Variants in NCOR2 observed in about 807,000 individuals in gnomAD.
The protein encoded by NCOR2 is CTG repeat protein 26.
NCOR2 carries 81 observed loss-of-function variants against 262.9 expected under a neutral mutation model. The observed-to-expected ratio is 0.31, with a 90% confidence interval of 0.26 to 0.37. The LOEUF (loss-of-function observed/expected upper bound fraction) is 0.37, where lower values mean the gene tolerates loss of function less well. Ranked by LOEUF, NCOR2 falls within the 10% of genes least tolerant of loss-of-function variation. The probability of loss-of-function intolerance (pLI) is 1.00; values close to 1 mark genes in which losing one functional copy is unlikely to be tolerated. For synonymous variants in NCOR2, 1,659 were observed against 1,559.3 expected (o/e 1.06, Z -1.51); for missense variants, 3,385 against 3,621.4 (o/e 0.93, Z 1.68).
chr12:124,325,377 G>GCCGCC, exon 47 of NCOR2: 14 of 246,776 alleles, frequency 5.7e-5, no homozygotes, highest in South Asian at 1.2e-4. Context: ...ACCTGACACC[G>GCCGCC]CCCCCCCCCC....
chr12:124,404,183 G>A (rs574775934), intron 13 of NCOR2, among the ~76,000 whole-genome samples: 8 of 152,322 alleles, frequency 5.3e-5, no homozygotes, highest in Admixed American at 3.3e-4. Flanking sequence ...ACATTTGCCC[G>A]ATGTGGGCAG....
intron 1 of NCOR2, among the ~76,000 whole-genome samples, chr12:124,547,706 T>C (rs896921385): frequency 3.3e-5 from 5 of 152,108 alleles, no homozygotes; most frequent in Admixed American, 3.3e-4. Flanking sequence ...ACCAATCTGC[T>C]TTCTGTCTCC....
chr12:124,334,377 G>A, intron 41 of NCOR2, 47 bp downstream of exon 43: 1 of 1,385,484 alleles, frequency 7.2e-7, no homozygotes, highest in Non-Finnish European at 9.8e-7. Flanking sequence ...GCTGACGAAG[G>A]CCTCCCGCCG....
At chr12:124,459,629 C>T (rs1023285802) in intron 5 of NCOR2, among the ~76,000 whole-genome samples, 1 of 152,178 alleles carries the variant, frequency 6.6e-6, no homozygotes, top group African/African-American at 2.4e-5. Context: ...ACTCCCATGA[C>T]CTCTGCAAGG....
In NCOR2 at chr12:124,389,801, G is replaced by C. The variant is rs562143367; in HGVS notation, c.1877-3914C>G. ...TCCCCAAAGAGCCCTCTGCTGCTGG[G>C]GGGGTCTCGGGACCACAGCTGCCCC... On this transcript the variant is annotated intron_variant, in intron 16 of 46. Transcript: ENST00000405201. The surrounding 1 kb of genome is among the most constrained non-coding windows in gnomAD (Gnocchi z 4.4). Among the ~76,000 whole-genome samples, 1 of 152,336 alleles carries C rather than the reference G, an allele frequency of 6.6e-6. No homozygotes were observed. The highest frequency in any genetic ancestry group is 2.4e-5 in the African/African-American group (1 of 41,584).
chr12:124,431,381 A>G (rs893489559), intron 8 of NCOR2, among the ~76,000 whole-genome samples: 6 of 151,296 alleles, frequency 4.0e-5, no homozygotes, highest in African/African-American at 1.5e-4. Context: ...AGACAGTCAC[A>G]TGGCAGACAC....
rs187559272 is a variant in NCOR2, at chr12:124,356,273, A to G, written c.3241+369T>C. On this transcript the variant is annotated intron_variant, in intron 23 of 46. Transcript: ENST00000405201. ...CCAGCAGGACTGCAGGACCTAGAAC[A>G]GGGCCGAAATGCAGCCTCACAGAGT... is the stretch of plus-strand genomic sequence containing the variant. Among the ~76,000 whole-genome samples the G allele has an allele frequency of 7.5e-3, 1,135 of 152,330 alleles. 20 individuals carry two copies. The highest frequency in any genetic ancestry group is 7.1e-3 in the Non-Finnish European group (486 of 68,024).
chr12:124,408,468 C>T (rs551778088), intron 13 of NCOR2, among the ~76,000 whole-genome samples: 47 of 152,274 alleles, frequency 3.1e-4, no homozygotes, highest in Admixed American at 1.3e-4. Flanking sequence ...AAATTATGGC[C>T]TGGCAAGGTA....
intron 16 of NCOR2, among the ~76,000 whole-genome samples, chr12:124,394,211 A>G (rs1480763996): frequency 1.3e-5 from 2 of 152,202 alleles, no homozygotes; most frequent in Non-Finnish European, 2.9e-5. Flanking sequence ...GACTGTTCCT[A>G]TGTGGCTCGC....
chr12:124,449,233 T>G (rs1241059420), intron 7 of NCOR2, among the ~76,000 whole-genome samples: 1 of 152,106 alleles, frequency 6.6e-6, no homozygotes, highest in Non-Finnish European at 1.5e-5. Flanking sequence ...TAATTGACAT[T>G]TTCTTCCCTC....
At chr12:124,357,871 T>C (rs936560955) in intron 22 of NCOR2, among the ~76,000 whole-genome samples, 4 of 150,418 alleles carry the variant, frequency 2.7e-5, no homozygotes, top group African/African-American at 9.8e-5. Context: ...TGTGTGCGCC[T>C]GTACACAATG....
chr12:124,422,084 C>T (rs114378457), intron 12 of NCOR2, among the ~76,000 whole-genome samples: 4,678 of 152,334 alleles, frequency 0.031, 219 homozygotes, highest in African/African-American at 0.11. Context: ...CTTTGAGGCA[C>T]GCCACTCCTG....
chr12:124,456,697 C>G (rs964658638), intron 6 of NCOR2, among the ~76,000 whole-genome samples: 1 of 152,228 alleles, frequency 6.6e-6, no homozygotes, highest in Non-Finnish European at 1.5e-5. Flanking sequence ...CAGACCCGCT[C>G]AGGGTCACAC....
intron 1 of NCOR2, among the ~76,000 whole-genome samples, chr12:124,557,261 C>T (rs1594071200): frequency 6.6e-6 from 1 of 152,192 alleles, no homozygotes; most frequent in Admixed American, 6.5e-5. Flanking sequence ...CTCCACACGC[C>T]GGGGACTTAA....
rs572327634 is a variant in NCOR2, at chr12:124,327,147, G to A, written c.7183+262C>T. ...CGGGAGGACTGGGGGGCGGACAGCA[G>A]TGTGAGTGTCCGAGGGAGGCGGCAG... On this transcript the variant is annotated intron_variant, in intron 45 of 46. Coordinates refer to ENST00000405201, the Ensembl canonical transcript of NCOR2. Among the ~76,000 whole-genome samples the A allele has an allele frequency of 3.9e-5, 6 of 152,242 alleles. No individual in the cohort carries two copies. In the East Asian group the frequency reaches 1.2e-3, roughly 29 times the overall value.
chr12:124,363,793 C>T (rs746174902), exon 21 of NCOR2: 39 of 1,355,698 alleles, frequency 2.9e-5, no homozygotes, highest in Non-Finnish European at 3.4e-5. Flanking sequence ...GCCTTGGGGA[C>T]AGCAGCCTGC....
At chr12:124,498,071 G>A (rs1024055244), upstream of NCOR2, among the ~76,000 whole-genome samples, 1 of 152,188 alleles carries the variant, frequency 6.6e-6, no homozygotes, top group Admixed American at 6.5e-5. Context: ...CCGGTCTCTC[G>A]GAGGAGATAA....
At chr12:124,355,677 T>C in intron 23 of NCOR2, 106 bp from the exon 26 acceptor site, 2 of 1,409,494 alleles carry the variant, frequency 1.4e-6, no homozygotes, top group Non-Finnish European at 1.9e-6. Flanking sequence ...GGCCAGGAAG[T>C]GCCCATCCAT....
chr12:124,427,446 C>T (rs966718647), intron 10 of NCOR2, among the ~76,000 whole-genome samples: 4 of 152,228 alleles, frequency 2.6e-5, no homozygotes, highest in Non-Finnish European at 5.9e-5. Context: ...GGCTCACTTC[C>T]CCAAATCTCG....
Sources: gnomAD v4.1 joint callset for allele counts (sites outside exome capture counted in the v4.1 genomes callset) on GRCh38, gnomAD v4.1.1 for gene constraint, Gnocchi (gnomAD v3.1) non-coding constraint, MANE v1.5 for transcripts, NCBI Gene and HGNC (gene_info 2026-07-23, HGNC 2026-07-21) for gene names.